Variants in COPS2 observed in about 807,000 individuals in gnomAD.
The protein encoded by COPS2 is COP9 signalosome complex subunit 2.
COPS2 carries 10 observed loss-of-function variants against 66.1 expected under a neutral mutation model. The observed-to-expected ratio is 0.15, with a 90% CI of 0.09 to 0.26. The LOEUF (loss-of-function observed/expected upper bound fraction) is 0.26. Among genes scored for constraint, COPS2 ranks in the 10% least tolerant of loss-of-function variants. The pLI is 1.00. For missense variants in COPS2, 215 were observed against 513.3 expected (o/e 0.42, Z 5.62); for synonymous variants, 179 against 171.3 (o/e 1.04, Z -0.35).
rs1432846890 is a variant in COPS2, at chr15:49,123,104, T to C, written c.*4846A>G. 1 of 152,208 alleles carries C rather than the reference T, an allele frequency of 6.6e-6. No individual in the cohort carries two copies. Among genetic ancestry groups the C allele is most frequent in the Non-Finnish European group, 1.5e-5 (1 of 68,010 alleles). The allele number at this position is 152,208 out of a possible 1,614,324, so 9.4% of individuals were successfully genotyped here. ...TTTCTTCAGTGTTATTTAAAATAGA[T>C]GCATAAAAATTTATTACTGTCGTAA... On this transcript the variant is annotated 3_prime_UTR_variant, in exon 13 of 13. Coordinates refer to ENST00000388901, the MANE Select transcript of COPS2 (RefSeq NM_004236.4).
chr15:49,151,002 G>A lies in COPS2; in HGVS notation c.54+4523C>T, dbSNP rs557379388. Among the ~76,000 whole-genome samples, 7 of 152,198 alleles carry A rather than the reference G, an allele frequency of 4.6e-5. No individual in the cohort carries two copies. In the South Asian group the frequency reaches 1.5e-3, roughly 32 times the overall value. Reference sequence around the variant, plus strand: ...AATCCCAACTATGAGCTTGACTAGGGGAATATAATGAGGCTCACAGCTGGT... The same window carrying A: ...AATCCCAACTATGAGCTTGACTAGGAGAATATAATGAGGCTCACAGCTGGT... On this transcript the variant is annotated intron_variant, in intron 1 of 12. Coordinates refer to ENST00000388901, the MANE Select transcript of COPS2 (RefSeq NM_004236.4).
intron 1 of COPS2, among the ~76,000 whole-genome samples, chr15:49,147,273 T>C (rs1389919796): frequency 6.6e-6 from 1 of 152,194 alleles, no homozygotes; most frequent in Non-Finnish European, 1.5e-5. Context: ...TTACTTTTTT[T>C]TGCAACCCAA....
chr15:49,155,003 A>G (rs2084406262), intron 1 of COPS2, among the ~76,000 whole-genome samples: 1 of 152,222 alleles, frequency 6.6e-6, no homozygotes, highest in African/African-American at 2.4e-5. Flanking sequence ...TGGCCCTGGC[A>G]AGACTATTTA....
chr15:49,130,034 T>C (rs1359324351), intron 10 of COPS2, among the ~76,000 whole-genome samples: 2 of 152,212 alleles, frequency 1.3e-5, no homozygotes, highest in East Asian at 1.9e-4. Flanking sequence ...CGTTTTTCTA[T>C]ATCTATAAAC....
At chr15:49,141,422 G>C (rs2084289087) in intron 3 of COPS2, among the ~76,000 whole-genome samples, 1 of 152,054 alleles carries the variant, frequency 6.6e-6, no homozygotes, top group African/African-American at 2.4e-5. Flanking sequence ...CTTGAGCCCG[G>C]GAGGCAGAGG....
At chr15:49,154,301 A>C (rs576801840) in intron 1 of COPS2, among the ~76,000 whole-genome samples, 27 of 152,354 alleles carry the variant, frequency 1.8e-4, no homozygotes, top group South Asian at 6.2e-4. Context: ...ACTGGCTTGC[A>C]CAAACTAAAA....
intron 12 of COPS2, 51 bp from the exon 13 acceptor site, chr15:49,128,145 G>A: frequency 6.4e-7 from 1 of 1,556,136 alleles, no homozygotes; most frequent in South Asian, 1.2e-5. Flanking sequence ...ATCAAGCACA[G>A]TTTCTGGATT....
intron 3 of COPS2, among the ~76,000 whole-genome samples, chr15:49,143,580 T>C (rs2084302172): frequency 6.6e-6 from 1 of 152,228 alleles, no homozygotes; most frequent in Non-Finnish European, 1.5e-5. Flanking sequence ...GAGTTAAGCA[T>C]AATGCTAACG....
At chr15:49,131,108 C>T (rs1478788734) in intron 9 of COPS2, among the ~76,000 whole-genome samples, 1 of 152,040 alleles carries the variant, frequency 6.6e-6, no homozygotes, top group Non-Finnish European at 1.5e-5. Flanking sequence ...TCTTACTTCT[C>T]TTAAAAGTTG....
intron 1 of COPS2, among the ~76,000 whole-genome samples, chr15:49,149,834 A>G (rs2141133867): frequency 6.6e-6 from 1 of 152,340 alleles, no homozygotes; most frequent in African/African-American, 2.4e-5. Context: ...TAAGAGGTAC[A>G]TGGCAGTTGT....
In COPS2 at chr15:49,124,512, A is replaced by G. The variant is rs1411688879; in HGVS notation, c.*3438T>C. The G allele has an allele frequency of 2.0e-5, 3 of 152,192 alleles. No homozygotes were observed. The highest frequency in any genetic ancestry group is 4.4e-5 in the Non-Finnish European group (3 of 68,028). 9.4% of individuals were successfully genotyped at this position (152,192 alleles called of 1,614,324 possible). ...AAAAAGAAAAAAAGAGGAAAATTTTAATTGTGGTCACATAAATGAAGACCA... is the reference window on the plus strand; with the variant it reads ...AAAAAGAAAAAAAGAGGAAAATTTTGATTGTGGTCACATAAATGAAGACCA... On this transcript the variant is annotated 3_prime_UTR_variant, in exon 13 of 13. Coordinates refer to ENST00000388901, the MANE Select transcript of COPS2 (RefSeq NM_004236.4).
intron 7 of COPS2, 77 bp downstream of exon 7, chr15:49,134,263 T>G: frequency 1.3e-6 from 2 of 1,492,888 alleles, no homozygotes; most frequent in Non-Finnish European, 1.8e-6. Context: ...TACACTGAAG[T>G]TCTAAAAAGC....
At chr15:49,144,856 A>T in intron 2 of COPS2, 109 bp downstream of exon 2, 1 of 608,832 alleles carries the variant, frequency 1.6e-6, no homozygotes, top group Non-Finnish European at 2.8e-6. Flanking sequence ...CTGATAGGAT[A>T]ATTAAGTATT....
Position 49,126,232 on chromosome 15 carries a change from T to G in COPS2, c.*1718A>C, listed in dbSNP as rs1259474771. 2.0e-5 allele frequency: 3 copies of G among 152,542 alleles called. No individual in the cohort carries two copies. Among genetic ancestry groups the G allele is most frequent in the Non-Finnish European group, 4.4e-5 (3 of 67,942 alleles). The allele number at this position is 152,542 out of a possible 1,614,324, so 9.4% of individuals were successfully genotyped here. A position where few individuals can be genotyped will look rare whatever the true frequency, so the allele number is the denominator to read the frequency against. ...ACCATAGACATTTTGTCTTTTGTTT[T>G]CTTTCCGTTTTCTACAATTTCCAAC... On this transcript the variant is annotated 3_prime_UTR_variant, in exon 13 of 13. Transcript: ENST00000388901.
chr15:49,143,002 AT>A (rs1486482771), intron 3 of COPS2, among the ~76,000 whole-genome samples: 3 of 152,184 alleles, frequency 2.0e-5, no homozygotes, highest in African/African-American at 7.2e-5. Context: ...CAAAGAAGAA[AT>A]TTAAGTGACG....
rs2084187073 is a variant in COPS2 at position 49,128,719 on chromosome 15, C to T, written c.1170G>A (p.Val390=). 2 of 1,608,786 alleles carry T rather than the reference C, an allele frequency of 1.2e-6. No homozygotes were observed. Among genetic ancestry groups the T allele is most frequent in the East Asian group, 2.2e-5 (1 of 44,614 alleles). ...GTACTTACTTATCCAATATGCACTG[C>T]ACCAGCAAGCTCTCCACATCAGCTA... is the stretch of plus-strand genomic sequence containing the variant. The part of the protein sequence containing the change: ...IDVADVESLL[V]QCILDNTIHG... The change falls in exon 12 of 13, where the codon GTG becomes GTA. Residue 390 remains valine (V), a synonymous_variant. Coordinates refer to ENST00000388901, the MANE Select transcript of COPS2 (RefSeq NM_004236.4).
At chr15:49,147,109 T>TG (rs2084326301) in intron 1 of COPS2, among the ~76,000 whole-genome samples, 1 of 152,182 alleles carries the variant, frequency 6.6e-6, no homozygotes, top group Non-Finnish European at 1.5e-5. Context: ...ACCTACTCTA[T>TG]GCCTTCGGAA....
intron 10 of COPS2, among the ~76,000 whole-genome samples, chr15:49,130,386 C>T (rs1348696314): frequency 6.6e-6 from 1 of 151,928 alleles, no homozygotes; most frequent in African/African-American, 2.4e-5. Flanking sequence ...TGTTATTTGT[C>T]AAAAATAAAC....
chr15:49,136,714 C>T (rs879257964), intron 6 of COPS2, among the ~76,000 whole-genome samples: 5 of 152,076 alleles, frequency 3.3e-5, no homozygotes, highest in Admixed American at 6.5e-5. Flanking sequence ...AGGGGCCAGG[C>T]ATGGTGGCTC....
Sources: gnomAD v4.1 joint callset for allele counts (sites outside exome capture counted in the v4.1 genomes callset) on GRCh38, gnomAD v4.1.1 for gene constraint, MANE v1.5 for transcripts, NCBI Gene and HGNC (gene_info 2026-07-23, HGNC 2026-07-21) for gene names.